SBNO2: variants seen among roughly 807,000 people sequenced by gnomAD.
SBNO2 encodes strawberry notch homolog 2.
SBNO2 carries 89 observed loss-of-function variants against 146.3 expected under a neutral mutation model. The ratio of observed to expected loss-of-function variants is 0.61; its 90% CI spans 0.51 to 0.73. SBNO2 has a LOEUF of 0.73. Ranked by LOEUF, SBNO2 falls within the 30% of genes least tolerant of loss-of-function variation. SBNO2 has a pLI of 0.00. For synonymous variants in SBNO2, 1,147 were observed against 892.6 expected (o/e 1.29, Z -5.08); for missense variants, 2,092 against 2,003.7 (o/e 1.04, Z -0.84).
In SBNO2 at chr19:1,108,940, C is replaced by T. The variant is rs1489729653; in HGVS notation, c.3455G>A (p.Gly1152Asp). The change falls in exon 31 of 32, where the codon GGT becomes GAT. Residue 1152 changes from glycine (G) to aspartate (D), a missense_variant. Transcript: ENST00000361757. ...WNRHCRLAQE[G>D]KDCLQGLRLR... ...CCGCAGCCCCTGCAGGCAGTCCTTA[C>T]CCTCCTGCGCCAGCCGGCAGTGCCG... 14 of 1,557,042 alleles carry T rather than the reference C, an allele frequency of 9.0e-6. No homozygotes were observed. The highest frequency in any genetic ancestry group is 1.2e-5 in the Non-Finnish European group (14 of 1,158,390).
Position 1,149,498 on chromosome 19 carries a change from C to T in SBNO2, c.94-56G>A, listed in dbSNP as rs1002016162. 1.5e-5 allele frequency: 23 copies of T among 1,488,368 alleles called. No homozygotes were observed. The East Asian group carries it at 3.7e-4, about 24-fold the overall frequency. 92.2% of individuals were successfully genotyped at this position (1,488,368 alleles called of 1,614,324 possible). ...GAAGCAGAGGACCTGCGGTGCAGCCCGGCTAAGCCCTCCGGGCAGGGTGAC... is the reference window on the plus strand; with the variant it reads ...GAAGCAGAGGACCTGCGGTGCAGCCTGGCTAAGCCCTCCGGGCAGGGTGAC... On this transcript the variant is annotated intron_variant, in intron 2 of 31. Coordinates refer to ENST00000361757, the MANE Select transcript of SBNO2 (RefSeq NM_014963.3).
chr19:1,121,471 G>A (rs1035172148), intron 11 of SBNO2, among the ~76,000 whole-genome samples: 1 of 152,214 alleles, frequency 6.6e-6, no homozygotes, highest in Non-Finnish European at 1.5e-5. Flanking sequence ...TGTGCATGAA[G>A]TGGATGCTGC....
At chr19:1,166,535 G>A (rs1004111019) in intron 1 of SBNO2, among the ~76,000 whole-genome samples, 57 of 152,190 alleles carry the variant, frequency 3.7e-4, no homozygotes, top group Non-Finnish European at 7.2e-4. Flanking sequence ...GCCCGTGGCT[G>A]TAATCCCAGT....
At position 1,108,436 on chromosome 19, in the gene SBNO2, G is replaced by A. The variant is rs1438728197; in HGVS notation, c.3885C>T (p.Asp1295=). The A allele has an allele frequency of 1.6e-5, 20 of 1,251,972 alleles. No individual in the cohort carries two copies. In the Admixed American group the frequency reaches 2.3e-4, roughly 14 times the overall value. 77.6% of individuals were successfully genotyped at this position (1,251,972 alleles called of 1,614,324 possible). A position where few individuals can be genotyped will look rare whatever the true frequency, so the allele number is the denominator to read the frequency against. ...GPGVVPLGTP[D]AQADPAALAH... ...CGAGGGCCGCAGGGTCGGCCTGGGCGTCGGGGGTGCCCAGCGGCACGACGC... is the reference window on the plus strand; with the variant it reads ...CGAGGGCCGCAGGGTCGGCCTGGGCATCGGGGGTGCCCAGCGGCACGACGC... Residue 1295 remains aspartate, a synonymous_variant, in exon 32 of 32, where the codon GAC becomes GAT. Transcript: ENST00000361757.
rs1259783188 is a variant in SBNO2 at position 1,162,331 on chromosome 19, G to A, written c.-126-7929C>T. Among the ~76,000 whole-genome samples the A allele has an allele frequency of 3.3e-4, 50 of 149,310 alleles. No individual in the cohort carries two copies. The East Asian group carries it at 8.8e-3, about 26-fold the overall frequency. ...AAAAATTATCCAGGCGTGGTGGCGG[G>A]TGCCTGTAGTCCCAGCTACTCGGGA... On this transcript the variant is annotated intron_variant, in intron 1 of 31. Transcript: ENST00000361757.
intron 1 of SBNO2, among the ~76,000 whole-genome samples, chr19:1,165,602 TCAGATCC>T (rs535345779): frequency 1.3e-3 from 175 of 138,224 alleles, no homozygotes; most frequent in Non-Finnish European, 1.7e-3. Context: ...AACCCAGACC[TCAGATCC>T]CAGATCCCAG....
In SBNO2 at chr19:1,161,623, G is replaced by A. The variant is rs568283666; in HGVS notation, c.-126-7221C>T. Among the ~76,000 whole-genome samples, 258 of 151,718 alleles carry A rather than the reference G, an allele frequency of 1.7e-3. 1 individual carries two copies. The highest frequency in any genetic ancestry group is 6.2e-3 in the African/African-American group (255 of 41,282). On this transcript the variant is annotated intron_variant, in intron 1 of 31. Coordinates refer to ENST00000361757, the MANE Select transcript of SBNO2 (RefSeq NM_014963.3). ...TGTCTCAACACAGCTTTACCTCTTG[G>A]GCCCGATGAAGCGGGTCTCAGGATG...
At chr19:1,113,413 C>T (rs995448765) in intron 19 of SBNO2, 122 bp downstream of exon 19, 15 of 944,586 alleles carry the variant, frequency 1.6e-5, no homozygotes, top group African/African-American at 1.0e-4. Context: ...GCCCCCTCCT[C>T]GCAGGGCCGC....
At chr19:1,153,456 C>A (rs929670227) in intron 2 of SBNO2, among the ~76,000 whole-genome samples, 3 of 151,468 alleles carry the variant, frequency 2.0e-5, no homozygotes, top group African/African-American at 7.3e-5. Flanking sequence ...CCAGGCTGGT[C>A]TCAAACTCCT....
Position 1,111,560 on chromosome 19 carries a change from TCTCAGTCTGG to T in SBNO2, c.2745_2754del (p.Ser915ArgfsTer21). 1 of 1,598,354 alleles carries T rather than the reference TCTCAGTCTGG, an allele frequency of 6.3e-7. No homozygotes were observed. The highest frequency in any genetic ancestry group is 8.5e-7 in the Non-Finnish European group (1 of 1,172,854). On this transcript the variant is annotated frameshift_variant, in exon 24 of 32. Transcript: ENST00000361757. LOFTEE classifies it high-confidence loss of function. ...TATCCCTGGGGCACAGGCACTTTGT[TCTCAGTCTGG>T]CTCAGGATGGTGGTGAGGACACAGT...
rs891557765 is a variant in SBNO2 at position 1,109,382 on chromosome 19, G to C, written c.3258C>G (p.Asn1086Lys). ...NKPSCLLAEQNRGQFFTVYKP... is the reference protein window; with the variant it reads ...NKPSCLLAEQKRGQFFTVYKP... ...TGTACACCGTGAAGAACTGGCCGCG[G>C]TTCTGCTCCGCCAGCAGGCAGCTGG... Residue 1086 changes from asparagine (N) to lysine (K), a missense_variant, in exon 29 of 32, where the codon AAC (asparagine) becomes AAG (lysine). Coordinates refer to ENST00000361757, the MANE Select transcript of SBNO2 (RefSeq NM_014963.3). The surrounding 1 kb of genome is among the most constrained non-coding windows in gnomAD (Gnocchi z 4.2). The C allele has an allele frequency of 1.9e-6, 3 of 1,573,336 alleles. No individual in the cohort carries two copies. Among genetic ancestry groups the C allele is most frequent in the Non-Finnish European group, 1.7e-6 (2 of 1,160,490 alleles).
chr19:1,143,152 C>G (rs1375467344), intron 4 of SBNO2, among the ~76,000 whole-genome samples: 1 of 152,124 alleles, frequency 6.6e-6, no homozygotes, highest in Non-Finnish European at 1.5e-5. Context: ...CTCCGTTTCC[C>G]CTCGCTCCCG....
intron 1 of SBNO2, among the ~76,000 whole-genome samples, chr19:1,166,111 T>A (rs1206084667): frequency 3.3e-5 from 2 of 60,592 alleles, no homozygotes; most frequent in Non-Finnish European, 7.2e-5. Context: ...ACCCCAGATC[T>A]CAGACCCCAG....
chr19:1,164,987 G>A (rs950738809), intron 1 of SBNO2, among the ~76,000 whole-genome samples: 5 of 151,792 alleles, frequency 3.3e-5, no homozygotes, highest in Non-Finnish European at 7.4e-5. Flanking sequence ...GGAGGAGGAG[G>A]AGGAGGCAGC....
chr19:1,118,533 G>T (rs1444404230), intron 14 of SBNO2, among the ~76,000 whole-genome samples: 1 of 152,048 alleles, frequency 6.6e-6, no homozygotes. Flanking sequence ...CAGGAAGGGG[G>T]GCGGTGGTTT....
intron 1 of SBNO2, among the ~76,000 whole-genome samples, chr19:1,159,339 T>G (rs1009056396): frequency 2.0e-4 from 30 of 150,724 alleles, no homozygotes; most frequent in Non-Finnish European, 4.3e-4. Context: ...TCCTGACCCC[T>G]GCAGACAGAG....
chr19:1,109,510 T>C lies in SBNO2; in HGVS notation c.3212A>G (p.Tyr1071Cys). 1 of 1,596,310 alleles carries C rather than the reference T, an allele frequency of 6.3e-7. No homozygotes were observed. Residue 1071 changes from tyrosine to cysteine, a missense_variant, in exon 28 of 32, where the codon TAC becomes TGC. Coordinates refer to ENST00000361757, the MANE Select transcript of SBNO2 (RefSeq NM_014963.3). The surrounding 1 kb of genome is among the most constrained non-coding windows in gnomAD (Gnocchi z 4.2). The stretch of plus-strand genomic sequence containing the variant: ...GGTAACCCCGCCCGACCCCACCTTG[T>C]AGGAGAGGTAGAAGCCGTCATAGGG... ...TGPYDGFYLS[Y>C]KVRGNKPSCL... is the part of the protein sequence containing the mutation.
Position 1,136,876 on chromosome 19 carries a change from G to A in SBNO2, c.280-9111C>T, listed in dbSNP as rs186586844. 3.9e-5 allele frequency among the ~76,000 whole-genome samples: 6 copies of A among 152,090 alleles called. No homozygotes were observed. In the East Asian group the frequency reaches 5.9e-4, roughly 15 times the overall value. The stretch of plus-strand genomic sequence containing the variant: ...CTGCCAGGCAGAGAGTGTTGTTACC[G>A]GACAGCTGCGTTCCCAATGGTCCCT... On this transcript the variant is annotated intron_variant, in intron 4 of 31. Transcript: ENST00000361757. The surrounding 1 kb of genome is among the most constrained non-coding windows in gnomAD (Gnocchi z 4.2).
rs1177536939 is a variant in SBNO2 at position 1,140,319 on chromosome 19, C to T, written c.279+6990G>A. On this transcript the variant is annotated intron_variant, in intron 4 of 31. Transcript: ENST00000361757. The surrounding 1 kb of genome is among the most constrained non-coding windows in gnomAD (Gnocchi z 4.4). ...CATCTCAAAAAAAAAAAAAAAGCAG[C>T]AGCAACACAGAGCCACGTGTCCACA... 1.3e-5 allele frequency among the ~76,000 whole-genome samples: 2 copies of T among 151,664 alleles called. No homozygotes were observed. Among genetic ancestry groups the T allele is most frequent in the African/African-American group, 2.4e-5 (1 of 41,302 alleles).
Sources: allele counts gnomAD v4.1 joint callset (sites outside exome capture counted in the v4.1 genomes callset), GRCh38; gene constraint gnomAD v4.1.1; non-coding constraint Gnocchi (gnomAD v3.1); transcripts MANE v1.5; gene names NCBI Gene and HGNC (gene_info 2026-07-23, HGNC 2026-07-21).